The following EPB41L1 variants were observed in gnomAD, a reference collection of about 807,000 sequenced individuals.
The protein encoded by EPB41L1 is band 4.1-like protein 1.
In EPB41L1, 29 loss-of-function variants were observed where a neutral mutation model predicts 97.8. The ratio of observed to expected loss-of-function variants is 0.30; its 90% CI spans 0.22 to 0.40. EPB41L1 has a LOEUF of 0.40. EPB41L1 is among the 10% of genes least tolerant of loss of function. The probability of loss-of-function intolerance (pLI) is 1.00; values close to 1 mark genes in which losing one functional copy is unlikely to be tolerated. For missense variants in EPB41L1, 812 were observed against 1,162.3 expected (o/e 0.70, Z 4.38); for synonymous variants, 383 against 459.2 (o/e 0.83, Z 2.12).
chr20:36,124,767 T>C (rs1274971358), intron 2 of EPB41L1, among the ~76,000 whole-genome samples: 7 of 152,170 alleles, frequency 4.6e-5, no homozygotes, highest in Non-Finnish European at 8.8e-5. Context: ...TAAGTATCTA[T>C]TGGATGAATG....
chr20:36,172,105 T>C (rs776792174), intron 1 of EPB41L1, among the ~76,000 whole-genome samples: 79 of 152,324 alleles, frequency 5.2e-4, no homozygotes, highest in Non-Finnish European at 9.6e-4. Context: ...TTTTATTTTT[T>C]TGAGATGGAG....
Position 36,218,859 on chromosome 20 carries a change from C to T in EPB41L1, c.2269-17C>T. ...CCCGGCTGAGAGCTGGCCATCTGAG[C>T]ACTATTGTTTCCCCAGGAGAACAGT... is the stretch of plus-strand genomic sequence containing the variant. On this transcript the variant is annotated splice_polypyrimidine_tract_variant and intron_variant, in intron 17 of 21. Transcript: ENST00000338074. 6.2e-7 allele frequency: 1 copy of T among 1,613,476 alleles called. No homozygotes were observed. The highest frequency in any genetic ancestry group is 2.2e-5 in the East Asian group (1 of 44,884).
intron 17 of EPB41L1, among the ~76,000 whole-genome samples, chr20:36,216,836 AG>A (rs1254969426): frequency 2.0e-5 from 3 of 152,100 alleles, no homozygotes; most frequent in Non-Finnish European, 4.4e-5. Flanking sequence ...AGAAGGGGTC[AG>A]GGTTAAGGGA....
At chr20:36,149,913 G>A (rs1350634637), upstream of EPB41L1, 1 of 152,142 alleles carries the variant, frequency 6.6e-6, no homozygotes, top group Non-Finnish European at 1.5e-5. Flanking sequence ...ATCTAAACCT[G>A]TACTGACCAA....
At chr20:36,134,954 C>A (rs2059364140) in intron 2 of EPB41L1, among the ~76,000 whole-genome samples, 1 of 149,990 alleles carries the variant, frequency 6.7e-6, no homozygotes, top group Non-Finnish European at 1.5e-5. Context: ...ACCTCCACCT[C>A]CTGGGTTCAA....
rs755820753 is a variant in EPB41L1, at chr20:36,221,953, G to C, written c.2520+9G>C. ...ATGTCGATCAAGACCAGGTATGGGGGTAGCAACCGTTCTTCCCAGTGCCAC... is the reference window on the plus strand; with the variant it reads ...ATGTCGATCAAGACCAGGTATGGGGCTAGCAACCGTTCTTCCCAGTGCCAC... On this transcript the variant is annotated intron_variant, in intron 20 of 21. Coordinates refer to ENST00000338074, the MANE Select transcript of EPB41L1 (RefSeq NM_012156.2). 1.9e-6 allele frequency: 3 copies of C among 1,613,856 alleles called. No homozygotes were observed. The highest frequency in any genetic ancestry group is 1.7e-5 in the Admixed American group (1 of 60,010).
rs781217908 is a variant in EPB41L1 at position 36,134,646 on chromosome 20, G to A, written c.-10+22166G>A. Among the ~76,000 whole-genome samples the A allele has an allele frequency of 6.5e-4, 99 of 152,122 alleles. 1 individual carries two copies. The highest frequency in any genetic ancestry group is 1.2e-3 in the South Asian group (6 of 4,822). ...GCCATGGAGTTGAGAATAAAGAGTG[G>A]AGGAGGTAGTTTCCAGGCTGTTCCT... On this transcript the variant is annotated intron_variant, in intron 2 of 19. Transcript: ENST00000202028.
rs559542270 is a variant in EPB41L1, at chr20:36,139,150, G to A, written c.-10+26670G>A. Reference sequence around the variant, plus strand: ...GGGCCAGCTTCCTGGGTACAGGGACGCTGTACCCCCAGAGAGGCAGTGTGG... The same window carrying A: ...GGGCCAGCTTCCTGGGTACAGGGACACTGTACCCCCAGAGAGGCAGTGTGG... On this transcript the variant is annotated intron_variant, in intron 2 of 19. Transcript: ENST00000202028. Among the ~76,000 whole-genome samples, 4 of 152,318 alleles carry A rather than the reference G, an allele frequency of 2.6e-5. No individual in the cohort carries two copies. In the South Asian group the frequency reaches 6.2e-4, roughly 24 times the overall value.
chr20:36,105,836 A>AG (rs1376593606), intron 1 of EPB41L1, among the ~76,000 whole-genome samples: 2 of 152,178 alleles, frequency 1.3e-5, no homozygotes, highest in South Asian at 2.1e-4. Flanking sequence ...GGCTGGTGGG[A>AG]GGGGGGCTGC....
chr20:36,224,967 G>C (rs1257072244), intron 21 of EPB41L1, among the ~76,000 whole-genome samples: 1 of 152,084 alleles, frequency 6.6e-6, no homozygotes, highest in Non-Finnish European at 1.5e-5. Flanking sequence ...GACTACAGGC[G>C]TGTGCTACCA....
At chr20:36,143,111 T>G (rs1292217368) in intron 2 of EPB41L1, among the ~76,000 whole-genome samples, 2 of 149,360 alleles carry the variant, frequency 1.3e-5, no homozygotes, top group African/African-American at 5.0e-5. Context: ...AGTCCTGTGG[T>G]TGTGGCTATG....
In EPB41L1 at chr20:36,230,936, T is replaced by C. The variant is rs1364790999; in HGVS notation, c.*1596T>C. On this transcript the variant is annotated 3_prime_UTR_variant, in exon 22 of 22. Coordinates refer to ENST00000338074, the MANE Select transcript of EPB41L1 (RefSeq NM_012156.2). Reference sequence around the variant, plus strand: ...CCTTTTCCTCTACTCTCTTCCTTGTTCTGAATCATTTCTTCTTCTCAGGCC... The same window carrying C: ...CCTTTTCCTCTACTCTCTTCCTTGTCCTGAATCATTTCTTCTTCTCAGGCC... 5 of 152,244 alleles carry C rather than the reference T, an allele frequency of 3.3e-5. No individual in the cohort carries two copies. Among genetic ancestry groups the C allele is most frequent in the Admixed American group, 6.5e-5 (1 of 15,282 alleles). The allele number at this position is 152,244 out of a possible 1,614,324, so 9.4% of individuals were successfully genotyped here. A position where few individuals can be genotyped will look rare whatever the true frequency, so the allele number is the denominator to read the frequency against.
intron 2 of EPB41L1, among the ~76,000 whole-genome samples, chr20:36,140,086 G>A (rs772469869): frequency 3.4e-4 from 50 of 148,468 alleles, no homozygotes; most frequent in Admixed American, 8.0e-4. Flanking sequence ...ACAGAGTCTC[G>A]CTCTGTCACC....
intron 17 of EPB41L1, among the ~76,000 whole-genome samples, chr20:36,216,025 G>A (rs2063420254): frequency 1.3e-5 from 2 of 152,206 alleles, no homozygotes; most frequent in South Asian, 4.1e-4. Flanking sequence ...AAGGGCTGAT[G>A]TGAGGGGGAA....
Position 36,175,554 on chromosome 20 carries a change from C to G in EPB41L1, c.181C>G (p.Leu61Val), listed in dbSNP as rs1743921428. The G allele has an allele frequency of 6.2e-7, 1 of 1,614,076 alleles. No individual in the cohort carries two copies. Among genetic ancestry groups the G allele is most frequent in the South Asian group, 1.1e-5 (1 of 91,088 alleles). Reference sequence around the variant, plus strand: ...ATTCCCTTGCTTGGTCCTGCAGAGCCTAGACATGGAGGAGAAGGACTACAG... The same window carrying G: ...ATTCCCTTGCTTGGTCCTGCAGAGCGTAGACATGGAGGAGAAGGACTACAG... ...QQDTRPAEQS[L>V]DMEEKDYSEA... The change falls in exon 3 of 22, where the codon CTA (leucine) becomes GTA (valine). Residue 61 changes from leucine (L) to valine (V), a missense_variant. Leu to Val is a conservative substitution (Grantham distance 32, BLOSUM62 1). Coordinates refer to ENST00000338074, the MANE Select transcript of EPB41L1 (RefSeq NM_012156.2).
At chr20:36,103,997 C>T (rs567296990) in intron 1 of EPB41L1, among the ~76,000 whole-genome samples, 1 of 152,328 alleles carries the variant, frequency 6.6e-6, no homozygotes, top group South Asian at 2.1e-4. Flanking sequence ...AGCCACCGCC[C>T]CGGCATTATT....
chr20:36,209,595 G>C lies in EPB41L1; in HGVS notation c.1776G>C (p.Val592=), dbSNP rs768229007. ...ACCAGGACCAGGAGAGGGACACGGT[G>C]TTCCTGAAGGACAACCACCTGGCCA... ...DEDQDQERDT[V]FLKDNHLAIE... is the part of the protein sequence containing the mutation. The change falls in exon 15 of 22, where the codon GTG becomes GTC. Residue 592 remains valine, a synonymous_variant. Coordinates refer to ENST00000338074, the MANE Select transcript of EPB41L1 (RefSeq NM_012156.2). This position sits in a 1 kb window ranked among gnomAD's most constrained non-coding sequence, Gnocchi z 4.2. 5 of 1,614,146 alleles carry C rather than the reference G, an allele frequency of 3.1e-6. No homozygotes were observed. The highest frequency in any genetic ancestry group is 4.2e-6 in the Non-Finnish European group (5 of 1,180,026).
intron 16 of EPB41L1, among the ~76,000 whole-genome samples, chr20:36,213,660 T>TTGG (rs1294051467): frequency 1.3e-5 from 2 of 151,986 alleles, no homozygotes; most frequent in African/African-American, 4.8e-5. Context: ...TGGCCCTAGA[T>TTGG]CCCACAGCCC....
rs1034118361 is a variant in EPB41L1, at chr20:36,198,007, C to T, written c.1634C>T (p.Pro545Leu). 3.1e-6 allele frequency: 5 copies of T among 1,613,630 alleles called. No individual in the cohort carries two copies. The African/African-American group carries it at 6.7e-5, about 22-fold the overall frequency. ...AGGCTGCCCTCCTCCCCCGCCTCCC[C>T]CTCCCCCAAGGGCACCCCTGAGAAA... ...ERRLPSSPAS[P>L]SPKGTPEKAN... is the part of the protein sequence containing the mutation. Residue 545 changes from proline to leucine, a missense_variant, in exon 14 of 22, where the codon CCC becomes CTC. Pro to Leu is a moderately conservative substitution (Grantham distance 98). Coordinates refer to ENST00000338074, the MANE Select transcript of EPB41L1 (RefSeq NM_012156.2).
Sources: allele counts gnomAD v4.1 joint callset (sites outside exome capture counted in the v4.1 genomes callset), GRCh38; gene constraint gnomAD v4.1.1; non-coding constraint Gnocchi (gnomAD v3.1); transcripts MANE v1.5; gene names NCBI Gene and HGNC (gene_info 2026-07-23, HGNC 2026-07-21).